The following ABCA1 variants were observed in gnomAD, a reference collection of about 807,000 sequenced individuals.
The protein encoded by ABCA1 is phospholipid-transporting ATPase ABCA1.
Under a neutral mutation model 262.5 loss-of-function variants are expected in ABCA1, and 133 were observed. That is an observed-to-expected ratio of 0.51 (90% confidence interval 0.44 to 0.59). The LOEUF is 0.59. ABCA1 is among the 20% of genes least tolerant of loss of function. The probability of loss-of-function intolerance (pLI) is 0.00; values close to 1 mark genes in which losing one functional copy is unlikely to be tolerated. For synonymous variants in ABCA1, 1,022 were observed against 1,043.5 expected (o/e 0.98, Z 0.40); for missense variants, 2,452 against 2,777.5 (o/e 0.88, Z 2.63).
chr9:104,809,370 G>T, intron 30 of ABCA1, 96 bp downstream of exon 30: 1 of 1,177,384 alleles, frequency 8.5e-7, no homozygotes, highest in Non-Finnish European at 1.3e-6. Context: ...AATGCTGGCG[G>T]TCACAATGTG....
chr9:104,838,305 C>CA (rs35594183), intron 9 of ABCA1, among the ~76,000 whole-genome samples: 11,336 of 105,354 alleles, frequency 0.11, 828 homozygotes, highest in East Asian at 0.45. Flanking sequence ...CTCTGTCTCC[C>CA]AAAAAAAAAA....
chr9:104,905,340 C>T (rs958743575), intron 1 of ABCA1, among the ~76,000 whole-genome samples: 1 of 152,148 alleles, frequency 6.6e-6, no homozygotes, highest in Non-Finnish European at 1.5e-5. Context: ...CTTTTATCTA[C>T]CACCCAACAA....
chr9:104,899,342 T>C (rs1840473370), intron 2 of ABCA1, among the ~76,000 whole-genome samples: 5 of 152,148 alleles, frequency 3.3e-5, no homozygotes, highest in Admixed American at 3.3e-4. Context: ...TAAAAGCTCA[T>C]AAATGAGGAG....
At chr9:104,874,661 C>T (rs1345659728) in intron 5 of ABCA1, among the ~76,000 whole-genome samples, 2 of 152,180 alleles carry the variant, frequency 1.3e-5, no homozygotes, top group South Asian at 4.1e-4. Flanking sequence ...GAGGCTGAGG[C>T]AGGTGGATCA....
rs1163107855 is a variant in ABCA1 at position 104,814,453 on chromosome 9, T to C, written c.3761A>G (p.Glu1254Gly). ...TGAGGTCTCAGCATCCACCCCACTC[T>C]CTTCGGCCACCTTGAGGAATATCTG... is the stretch of plus-strand genomic sequence containing the variant. ...LEEIFLKVAE[E>G]SGVDAETSDG... Residue 1254 changes from glutamate (E) to glycine (G), a missense_variant, in exon 26 of 50, where the codon GAG (glutamate) becomes GGG (glycine). Glu to Gly is a moderately conservative substitution (Grantham distance 98). This residue lies in a region of ABCA1 where 665 missense variants were observed against 727.3 expected (regional missense o/e 0.91). Transcript: ENST00000374736. The C allele has an allele frequency of 6.2e-7, 1 of 1,614,046 alleles. No individual in the cohort carries two copies. The highest frequency in any genetic ancestry group is 8.5e-7 in the Non-Finnish European group (1 of 1,180,038).
In ABCA1 at chr9:104,821,385, G is replaced by T. The variant is rs748908435; in HGVS notation, c.2950C>A (p.Leu984Met). The change falls in exon 20 of 50, where the codon CTG (leucine) becomes ATG (methionine). Residue 984 changes from leucine to methionine, a missense_variant. Leu to Met is a conservative substitution (Grantham distance 15). Transcript: ENST00000374736. ...NLGVCPQHNV[L>M]FDMLTVEEHI... The stretch of plus-strand genomic sequence containing the variant: ...GCTGCTGGTACTCACATGTCAAACA[G>T]CACGTTATGCTGGGGACAGACCCCC... 6.2e-7 allele frequency: 1 copy of T among 1,614,118 alleles called. No homozygotes were observed. The highest frequency in any genetic ancestry group is 1.1e-5 in the South Asian group (1 of 91,072).
rs1313011631 is a variant in ABCA1 at position 104,861,862 on chromosome 9, G to A, written c.422-62C>T. On this transcript the variant is annotated intron_variant, in intron 5 of 49. Coordinates refer to ENST00000374736, the MANE Select transcript of ABCA1 (RefSeq NM_005502.4). ...TAACTCAAAAAAAAAAAAAAAGTGG[G>A]CACAATGGGACAGTGGAGAAACGTT... 5 of 1,378,716 alleles carry A rather than the reference G, an allele frequency of 3.6e-6. No homozygotes were observed. The Admixed American group carries it at 5.3e-5, about 15-fold the overall frequency. 85.4% of individuals were successfully genotyped at this position (1,378,716 alleles called of 1,614,324 possible).
In ABCA1 at chr9:104,831,833, A is replaced by G. The variant is rs1291855603; in HGVS notation, c.1510-6T>C. 3.7e-5 allele frequency: 60 copies of G among 1,613,974 alleles called. No individual in the cohort carries two copies. The highest frequency in any genetic ancestry group is 5.1e-5 in the Non-Finnish European group (60 of 1,179,930). The stretch of plus-strand genomic sequence containing the variant: ...AGCTTGTTCAGGTTGACACACTGAT[A>G]GAAGAACAGCCTTCATGAGAACGTT... On this transcript the variant is annotated splice_polypyrimidine_tract_variant and splice_region_variant and intron_variant, in intron 12 of 49. Transcript: ENST00000374736.
At chr9:104,896,829 C>T (rs1840275869) in intron 2 of ABCA1, among the ~76,000 whole-genome samples, 1 of 141,428 alleles carries the variant, frequency 7.1e-6, no homozygotes, top group Admixed American at 7.6e-5. Context: ...CACCTGGACT[C>T]AAGCAATTCT....
At chr9:104,819,904 G>C in intron 21 of ABCA1, 23 bp downstream of exon 21, 2 of 1,611,080 alleles carry the variant, frequency 1.2e-6, no homozygotes, top group Non-Finnish European at 1.7e-6. Flanking sequence ...GAGAGGGATA[G>C]GGAAGGTAGC....
chr9:104,846,953 G>A (rs571184605), intron 7 of ABCA1, among the ~76,000 whole-genome samples: 67 of 152,232 alleles, frequency 4.4e-4, no homozygotes, highest in African/African-American at 1.6e-3. Context: ...ACTAGAAGCC[G>A]AACCTAGGGA....
chr9:104,827,623 T>C (rs1477500440), intron 15 of ABCA1, among the ~76,000 whole-genome samples: 4 of 152,164 alleles, frequency 2.6e-5, no homozygotes, highest in African/African-American at 4.8e-5. Flanking sequence ...CCCACAATCA[T>C]CCAAACTCTT....
Position 104,812,724 on chromosome 9 carries a change from T to C in ABCA1, c.3902-2A>G. On this transcript the variant is annotated splice_acceptor_variant, in intron 27 of 49. Coordinates refer to ENST00000374736, the MANE Select transcript of ABCA1 (RefSeq NM_005502.4). LOFTEE classifies it high-confidence loss of function. ...TGAGCAAGTCTGTCTCTCTGGATTC[T>C]GCAAGAAGCCAACACTGAAGGTCAC... The C allele has an allele frequency of 1.2e-6, 2 of 1,614,246 alleles. No individual in the cohort carries two copies. The highest frequency in any genetic ancestry group is 1.7e-6 in the Non-Finnish European group (2 of 1,180,044).
intron 4 of ABCA1, 66 bp downstream of exon 4, chr9:104,884,361 A>G: frequency 6.3e-7 from 1 of 1,598,492 alleles, no homozygotes; most frequent in Non-Finnish European, 8.6e-7. Flanking sequence ...AATTCTCCAG[A>G]GGACAAGAAA....
In ABCA1 at chr9:104,806,408, C is replaced by T. The variant is rs578220693; in HGVS notation, c.4297G>A (p.Glu1433Lys). The T allele has an allele frequency of 1.2e-6, 2 of 1,614,160 alleles. No homozygotes were observed. Among genetic ancestry groups the T allele is most frequent in the Non-Finnish European group, 1.7e-6 (2 of 1,180,040 alleles). Residue 1433 changes from glutamate (E) to lysine (K), a missense_variant, in exon 31 of 50, where the codon GAG becomes AAG. Physicochemically the swap from Glu to Lys is moderately conservative, Grantham distance 56. Around this residue, in one of 4 missense-constraint regions of ABCA1, gnomAD observed 665 missense variants for 727.3 expected, o/e 0.91. Transcript: ENST00000374736. ...PIPDTPCQAGEEEWTTAPVPQ... is the reference protein window; with the variant it reads ...PIPDTPCQAGKEEWTTAPVPQ... ...ACTGGGGCAGTGGTCCACTCTTCCTCCCCTGCCTGGCAGGGCGTGTCTCTG... is the reference window on the plus strand; with the variant it reads ...ACTGGGGCAGTGGTCCACTCTTCCTTCCCTGCCTGGCAGGGCGTGTCTCTG...
Position 104,861,813 on chromosome 9 carries a change from A to G in ABCA1, c.422-13T>C. On this transcript the variant is annotated splice_polypyrimidine_tract_variant and intron_variant, in intron 5 of 49. Coordinates refer to ENST00000374736, the MANE Select transcript of ABCA1 (RefSeq NM_005502.4). ...TGAAGCTTCAAGTCTATTGAGAAAT[A>G]GTGTTTTATTTTTATTTAGTAAGTA... 1 of 1,608,290 alleles carries G rather than the reference A, an allele frequency of 6.2e-7. No individual in the cohort carries two copies. Among genetic ancestry groups the G allele is most frequent in the Non-Finnish European group, 8.5e-7 (1 of 1,176,632 alleles).
In ABCA1 at chr9:104,817,261, C is replaced by T. The variant is rs951699311; in HGVS notation, c.3535+71G>A. 3.1e-6 allele frequency: 5 copies of T among 1,612,832 alleles called. No homozygotes were observed. Among genetic ancestry groups the T allele is most frequent in the Non-Finnish European group, 4.2e-6 (5 of 1,179,640 alleles). On this transcript the variant is annotated intron_variant, in intron 24 of 49. Transcript: ENST00000374736. The surrounding 1 kb of genome is among the most constrained non-coding windows in gnomAD (Gnocchi z 4.7). Reference sequence around the variant, plus strand: ...CGCCACCAGCCTCTGCACCTCTCCTCCTCTGCCTCCACTCTGCCCAGCTGG... The same window carrying T: ...CGCCACCAGCCTCTGCACCTCTCCTTCTCTGCCTCCACTCTGCCCAGCTGG...
chr9:104,891,002 T>C (rs908556542), intron 2 of ABCA1, among the ~76,000 whole-genome samples: 13 of 152,196 alleles, frequency 8.5e-5, no homozygotes, highest in African/African-American at 3.1e-4. Context: ...ATATATACTT[T>C]TGTATTCTGT....
At chr9:104,875,623 G>A (rs1404119625) in intron 5 of ABCA1, among the ~76,000 whole-genome samples, 2 of 151,880 alleles carry the variant, frequency 1.3e-5, no homozygotes, top group Non-Finnish European at 2.9e-5. Flanking sequence ...TCTTTTCCTG[G>A]CAAAATCCTT....
Sources: gnomAD v4.1 joint callset for allele counts (sites outside exome capture counted in the v4.1 genomes callset) on GRCh38, gnomAD v4.1.1 for gene constraint, gnomAD v4.1.1 regional missense constraint, Gnocchi (gnomAD v3.1) non-coding constraint, MANE v1.5 for transcripts, NCBI Gene and HGNC (gene_info 2026-07-23, HGNC 2026-07-21) for gene names.